Variants in SCN10A observed in about 807,000 individuals in gnomAD.
SCN10A encodes the protein sodium channel protein type 10 subunit alpha.
In SCN10A, 162 loss-of-function variants were observed where a neutral mutation model predicts 170.7. The observed-to-expected ratio is 0.95, with a 90% CI of 0.84 to 1.08. SCN10A has a LOEUF of 1.08. Among genes scored for constraint, SCN10A ranks in the 50% least tolerant of loss-of-function variants. The pLI is 0.00. For missense variants in SCN10A, 2,527 were observed against 2,436.9 expected (o/e 1.04, Z -0.78); for synonymous variants, 985 against 904.6 (o/e 1.09, Z -1.59).
chr3:38,779,948 G>A (rs770060375), intron 4 of SCN10A, among the ~76,000 whole-genome samples: 47 of 151,546 alleles, frequency 3.1e-4, no homozygotes, highest in Non-Finnish European at 4.7e-4. Flanking sequence ...TGATATGTTT[G>A]GTTTTTTGAA....
At chr3:38,789,082 T>G (rs1376068371) in intron 3 of SCN10A, 46 bp from the exon 4 acceptor site, 1 of 1,074,182 alleles carries the variant, frequency 9.3e-7, no homozygotes, top group Non-Finnish European at 1.5e-6. Flanking sequence ...CAAGTCTCTG[T>G]GATGTCATCT....
intron 4 of SCN10A, among the ~76,000 whole-genome samples, chr3:38,780,538 G>A (rs2064127287): frequency 6.6e-6 from 1 of 151,834 alleles, no homozygotes; most frequent in South Asian, 2.1e-4. Context: ...TATTAGGTTG[G>A]TACAAAAGTA....
chr3:38,697,166 C>G lies in SCN10A; in HGVS notation c.*183G>C. 2.3e-6 allele frequency: 2 copies of G among 862,292 alleles called. No homozygotes were observed. Among genetic ancestry groups the G allele is most frequent in the South Asian group, 3.9e-5 (2 of 51,634 alleles). The allele number at this position is 862,292 out of a possible 1,614,324, so 53.4% of individuals were successfully genotyped here. On this transcript the variant is annotated 3_prime_UTR_variant, in exon 28 of 28. Transcript: ENST00000449082. ...TGGAAGTGCTCTTAGCTTCTGACTC[C>G]TATTTGTGTATGATGGTTTTTTCAA...
At chr3:38,781,639 T>C (rs1019998814) in intron 4 of SCN10A, among the ~76,000 whole-genome samples, 3 of 152,164 alleles carry the variant, frequency 2.0e-5, no homozygotes, top group Admixed American at 6.5e-5. Context: ...CAAGAGTTCA[T>C]TGAATCCCAA....
At chr3:38,754,142 C>A (rs1483255328) in intron 11 of SCN10A, among the ~76,000 whole-genome samples, 1 of 152,144 alleles carries the variant, frequency 6.6e-6, no homozygotes, top group Non-Finnish European at 1.5e-5. Flanking sequence ...GGAAAATACT[C>A]CTCCCCAAAC....
rs779945160 is a variant in SCN10A, at chr3:38,742,425, G to A, written c.1972C>T (p.Leu658Phe). ...CPMWVKLKTILFGLVTDPFAE... is the reference protein window; with the variant it reads ...CPMWVKLKTIFFGLVTDPFAE... ...AAGGGATCCGTCACAAGCCCAAAGA[G>A]AATTGTCTTGAGCTTCACCCACATG... Residue 658 changes from leucine (L) to phenylalanine (F), a missense_variant, in exon 14 of 28, where the codon CTC becomes TTC. Leu to Phe is a conservative substitution (Grantham distance 22). Transcript: ENST00000449082. The A allele has an allele frequency of 3.7e-6, 6 of 1,614,156 alleles. No individual in the cohort carries two copies. Among genetic ancestry groups the A allele is most frequent in the Non-Finnish European group, 5.1e-6 (6 of 1,180,010 alleles).
intron 1 of SCN10A, among the ~76,000 whole-genome samples, chr3:38,800,764 G>T (rs1323692449): frequency 6.6e-6 from 1 of 152,166 alleles, no homozygotes. Flanking sequence ...GTGGAATTTG[G>T]TTATTTCTGA....
intron 7 of SCN10A, 82 bp from the exon 8 acceptor site, chr3:38,760,829 CA>C: frequency 8.6e-7 from 1 of 1,157,428 alleles, no homozygotes. Context: ...GCAATATTCC[CA>C]AGTCTTCCAA....
At chr3:38,711,211 T>C (rs2063270273) in intron 23 of SCN10A, among the ~76,000 whole-genome samples, 1 of 152,228 alleles carries the variant, frequency 6.6e-6, no homozygotes, top group Non-Finnish European at 1.5e-5. Context: ...CTCTGTGCAC[T>C]TGCCTAAGGT....
At position 38,710,220 on chromosome 3, in the gene SCN10A, C is replaced by T. The variant is rs550697745; in HGVS notation, c.4144-605G>A. On this transcript the variant is annotated intron_variant, in intron 24 of 27. Transcript: ENST00000449082. ...TCTCGCCCAAGCTGGAGTGCAGTGA[C>T]GCAATCTCAGCTCACTGCAACTTCT... Among the ~76,000 whole-genome samples the T allele has an allele frequency of 5.1e-4, 77 of 152,152 alleles. 3 individuals carry two copies. The highest frequency in any genetic ancestry group is 4.1e-3 in the Admixed American group (62 of 15,286).
At chr3:38,717,119 T>C (rs768531741) in intron 21 of SCN10A, among the ~76,000 whole-genome samples, 1 of 151,610 alleles carries the variant, frequency 6.6e-6, no homozygotes, top group Non-Finnish European at 1.5e-5. Context: ...TTAAGGATGA[T>C]GAATAGATGG....
At position 38,793,854 on chromosome 3, in the gene SCN10A, G is replaced by A; in HGVS notation, c.157C>T (p.Pro53Ser). ...EQKDQEEKPR[P>S]QLDLKACNQL... is the part of the protein sequence containing the mutation. ...TTGCAGGCTTTCAAGTCCAGCTGGG[G>A]CCGAGGCTTCTCTTCTTGGTCCTTC... The change falls in exon 2 of 28, where the codon CCC becomes TCC. Residue 53 changes from proline (P) to serine (S), a missense_variant. By Grantham distance (74) the Pro-to-Ser change is moderately conservative (BLOSUM62 -1). Coordinates refer to ENST00000449082, the MANE Select transcript of SCN10A (RefSeq NM_006514.4). 6.2e-7 allele frequency: 1 copy of A among 1,614,064 alleles called. No homozygotes were observed. Among genetic ancestry groups the A allele is most frequent in the African/African-American group, 1.3e-5 (1 of 75,040 alleles).
intron 13 of SCN10A, among the ~76,000 whole-genome samples, chr3:38,747,332 A>G (rs2063702151): frequency 6.6e-6 from 1 of 152,142 alleles, no homozygotes; most frequent in Non-Finnish European, 1.5e-5. Context: ...TTGTGCATGC[A>G]CTTGTCTTCT....
chr3:38,718,286 C>A (rs555635702), intron 21 of SCN10A, among the ~76,000 whole-genome samples: 2 of 152,210 alleles, frequency 1.3e-5, no homozygotes, highest in Admixed American at 1.3e-4. Context: ...TGGGAAGATT[C>A]TCTGTGCTCA....
At chr3:38,761,154 A>G (rs2063865329) in intron 7 of SCN10A, 38 bp downstream of exon 7, 2 of 1,480,364 alleles carry the variant, frequency 1.4e-6, no homozygotes, top group South Asian at 2.4e-5. Context: ...CCAAGGGTCC[A>G]ACCAGACCTT....
Position 38,755,914 on chromosome 3 carries a change from G to T in SCN10A, c.1335C>A (p.His445Gln), listed in dbSNP as rs2063799060. The T allele has an allele frequency of 6.2e-7, 1 of 1,614,242 alleles. No individual in the cohort carries two copies. Among genetic ancestry groups the T allele is most frequent in the Non-Finnish European group, 8.5e-7 (1 of 1,180,040 alleles). ...LGIDTTSLHSHNGSPLTSKNA... is the reference protein window; with the variant it reads ...LGIDTTSLHSQNGSPLTSKNA... ...TTTTGGAGGTTAAAGGTGATCCATTGTGGGAGTGGAGAGAGGTTGTGTCAA... is the reference window on the plus strand; with the variant it reads ...TTTTGGAGGTTAAAGGTGATCCATTTTGGGAGTGGAGAGAGGTTGTGTCAA... Residue 445 changes from histidine to glutamine, a missense_variant, in exon 11 of 28, where the codon CAC becomes CAA. Transcript: ENST00000449082.
intron 1 of SCN10A, among the ~76,000 whole-genome samples, chr3:38,802,267 G>C (rs1018893006): frequency 6.6e-6 from 1 of 152,074 alleles, no homozygotes; most frequent in African/African-American, 2.4e-5. Flanking sequence ...GAGGAGAAAA[G>C]GGCTGAAGTT....
chr3:38,747,640 G>T (rs947518013), intron 13 of SCN10A, among the ~76,000 whole-genome samples: 2 of 152,194 alleles, frequency 1.3e-5, no homozygotes, highest in African/African-American at 4.8e-5. Context: ...GGGTTCCAGA[G>T]CAGTGTTCTA....
chr3:38,729,619 C>T (rs2063495143), intron 15 of SCN10A, among the ~76,000 whole-genome samples: 1 of 152,196 alleles, frequency 6.6e-6, no homozygotes, highest in African/African-American at 2.4e-5. Context: ...AAAGTCTTCA[C>T]TGTAAACTCA....
Sources: allele counts gnomAD v4.1 joint callset (sites outside exome capture counted in the v4.1 genomes callset), GRCh38; gene constraint gnomAD v4.1.1; transcripts MANE v1.5; gene names NCBI Gene and HGNC (gene_info 2026-07-23, HGNC 2026-07-21).